TENM4: variants seen among roughly 807,000 people sequenced by gnomAD.
TENM4 encodes the protein teneurin-4.
In TENM4, 82 loss-of-function variants were observed where a neutral mutation model predicts 243.3. The observed-to-expected ratio is 0.34, with a 90% CI of 0.28 to 0.40. TENM4 has a LOEUF of 0.40. Ranked by LOEUF, TENM4 falls within the 10% of genes least tolerant of loss-of-function variation. The pLI, the probability that TENM4 is intolerant of heterozygous loss-of-function variation, is 1.00. For missense variants in TENM4, 3,138 were observed against 3,673.3 expected (o/e 0.85, Z 3.77); for synonymous variants, 1,412 against 1,456.3 (o/e 0.97, Z 0.69).
chr11:79,275,104 T>G (rs1278618805), intron 2 of TENM4, among the ~76,000 whole-genome samples: 1 of 152,210 alleles, frequency 6.6e-6, no homozygotes, highest in African/African-American at 2.4e-5. Flanking sequence ...ACAGACTGAA[T>G]AATCTCCTAC....
rs372304521 is a variant in TENM4, at chr11:78,732,325, C to T, written c.3129G>A (p.Pro1043=). ...TAGGAAAGCTGGGTACCTGAATTTC[C>T]GGCACAATGGGGCCTTTCTCTGCAC... is the stretch of plus-strand genomic sequence containing the variant. ...SSCAEKGPIV[P]EIQALQEEIS... is the part of the protein sequence containing the mutation. The change falls in exon 21 of 34, where the codon CCG becomes CCA. Residue 1043 remains proline, a synonymous_variant. Coordinates refer to ENST00000278550, the MANE Select transcript of TENM4 (RefSeq NM_001098816.3). 160 of 1,593,216 alleles carry T rather than the reference C, an allele frequency of 1.0e-4. No homozygotes were observed. Among genetic ancestry groups the T allele is most frequent in the Middle Eastern group, 1.7e-4 (1 of 5,976 alleles).
Position 78,723,061 on chromosome 11 carries a change from A to AC in TENM4, c.3551-145dup, listed in dbSNP as rs143624119. On this transcript the variant is annotated intron_variant, in intron 23 of 33. Transcript: ENST00000278550. ...GGATCATAGCCCAAGGCTTTGCCTC[A>AC]CCCCCCCAATGGAACCCAGATTGTC... 7,844 of 1,170,232 alleles carry AC rather than the reference A, an allele frequency of 6.7e-3. 450 individuals carry two copies. The African/African-American group carries it at 0.11, about 17-fold the overall frequency. 72.5% of individuals were successfully genotyped at this position (1,170,232 alleles called of 1,614,324 possible).
chr11:78,799,663 C>A, intron 15 of TENM4, among the ~76,000 whole-genome samples: 1 of 152,358 alleles, frequency 6.6e-6, no homozygotes, highest in Middle Eastern at 3.4e-3. Context: ...AAATTTCATG[C>A]AATTCTTGCT....
intron 12 of TENM4, among the ~76,000 whole-genome samples, chr11:78,849,419 G>A (rs1473928562): frequency 4.6e-5 from 7 of 152,110 alleles, no homozygotes; most frequent in African/African-American, 1.7e-4. Flanking sequence ...GTATTGTGGG[G>A]ACCTTAACTT....
rs1425055392 is a variant in TENM4 at position 78,708,424 on chromosome 11, G to A, written c.4146C>T (p.Leu1382=). 6.2e-6 allele frequency: 10 copies of A among 1,613,902 alleles called. No homozygotes were observed. The highest frequency in any genetic ancestry group is 2.7e-5 in the African/African-American group (2 of 74,930). Residue 1382 remains leucine (L), a synonymous_variant, in exon 27 of 34, where the codon CTC becomes CTT. Coordinates refer to ENST00000278550, the MANE Select transcript of TENM4 (RefSeq NM_001098816.3). The part of the protein sequence containing the change: ...IDQNGIISTL[L]GSNDLTSARP... ...GGGCTGATGTGAGATCATTAGAGCC[G>A]AGCAGGGTGGAGATGATCCCATTCT...
At position 78,735,851 on chromosome 11, in the gene TENM4, CCTCCT is replaced by C. The variant is rs149808664; in HGVS notation, c.2876+2595_2876+2599del. On this transcript the variant is annotated intron_variant, in intron 20 of 33. Coordinates refer to ENST00000278550, the MANE Select transcript of TENM4 (RefSeq NM_001098816.3). ...GTCTTGGCTCCCACCCCTCCCCTCC[CCTCCT>C]CTCCTCTCCTTTCTTTTCTTCCTTT... Among the ~76,000 whole-genome samples the C allele has an allele frequency of 8.5e-4, 128 of 151,018 alleles. 1 individual carries two copies. The highest frequency in any genetic ancestry group is 2.9e-3 in the African/African-American group (118 of 41,302).
chr11:78,863,025 G>T lies in TENM4; in HGVS notation c.1192C>A (p.Leu398Ile). 2.6e-6 allele frequency: 4 copies of T among 1,536,430 alleles called. No homozygotes were observed. The highest frequency in any genetic ancestry group is 3.5e-6 in the Non-Finnish European group (4 of 1,135,102). Residue 398 changes from leucine (L) to isoleucine (I), a missense_variant, in exon 10 of 34, where the codon CTA becomes ATA. Leu to Ile is a conservative substitution (Grantham distance 5, BLOSUM62 2). Transcript: ENST00000278550. ...AAGCCAGTGCCCCCTGAGGGGTATA[G>T]GGAGACGTCGGTTGGCACAGGCCAA... is the stretch of plus-strand genomic sequence containing the variant. ...SSWPVPTDVS[L>I]YPSGGTGLET... is the part of the protein sequence containing the mutation.
chr11:78,976,412 T>C (rs1857655724), intron 6 of TENM4, among the ~76,000 whole-genome samples: 1 of 151,954 alleles, frequency 6.6e-6, no homozygotes, highest in Non-Finnish European at 1.5e-5. Context: ...CAATAAAAAG[T>C]TTAAAAAAAA....
At chr11:78,766,900 C>T (rs576885083) in intron 18 of TENM4, among the ~76,000 whole-genome samples, 62 of 152,148 alleles carry the variant, frequency 4.1e-4, no homozygotes, top group African/African-American at 6.5e-4. Flanking sequence ...GATGGGGTTT[C>T]GCCATGTTGG....
rs796590665 is a variant in TENM4 at position 79,139,754 on chromosome 11, ATAT to A, written c.-66+8953_-66+8955del. Reference sequence around the variant, plus strand: ...TTATATTTATATAAATATATAATATATATTATATTTATATAAATATATAATATA... The same window carrying A: ...TTATATTTATATAAATATATAATATATATATTTATATAAATATATAATATA... On this transcript the variant is annotated intron_variant, in intron 4 of 33. Coordinates refer to ENST00000278550, the MANE Select transcript of TENM4 (RefSeq NM_001098816.3). Among the ~76,000 whole-genome samples, 53 of 38,472 alleles carry A rather than the reference ATAT, an allele frequency of 1.4e-3. 11 individuals carry two copies. Among genetic ancestry groups the A allele is most frequent in the East Asian group, 9.2e-3 (22 of 2,394 alleles). The allele number at this position is 38,472 out of a possible 152,430, so 25.2% of individuals were successfully genotyped here.
chr11:78,806,421 C>T lies in TENM4; in HGVS notation c.1979-929G>A, dbSNP rs924062960. ...AGGTGAGTCACATAGTGGTGGCTCA[C>T]AGCCAGGCAGCCCTTTAGTGCTCCC... On this transcript the variant is annotated intron_variant, in intron 14 of 33. Coordinates refer to ENST00000278550, the MANE Select transcript of TENM4 (RefSeq NM_001098816.3). 1.1e-4 allele frequency among the ~76,000 whole-genome samples: 16 copies of T among 152,206 alleles called. No individual in the cohort carries two copies. The East Asian group carries it at 2.7e-3, about 26-fold the overall frequency.
chr11:78,708,565 AC>A, intron 26 of TENM4, 50 bp from the exon 27 acceptor site: 1 of 1,593,894 alleles, frequency 6.3e-7, no homozygotes, highest in Non-Finnish European at 8.6e-7. Context: ...GATGACAATG[AC>A]CCGCACATTC....
At chr11:79,394,891 C>T (rs1287863570) in intron 1 of TENM4, among the ~76,000 whole-genome samples, 1 of 152,116 alleles carries the variant, frequency 6.6e-6, no homozygotes, top group Non-Finnish European at 1.5e-5. Flanking sequence ...TTATCAGCTG[C>T]AAGCCAAGGA....
At chr11:78,984,081 T>C (rs1857865210) in intron 6 of TENM4, among the ~76,000 whole-genome samples, 1 of 152,108 alleles carries the variant, frequency 6.6e-6, no homozygotes, top group Non-Finnish European at 1.5e-5. Flanking sequence ...GGCCACCAGT[T>C]TCTTCTCTGA....
At chr11:79,136,496 G>C (rs1234529271) in intron 4 of TENM4, among the ~76,000 whole-genome samples, 1 of 152,126 alleles carries the variant, frequency 6.6e-6, no homozygotes, top group African/African-American at 2.4e-5. Flanking sequence ...AGCCACTGCT[G>C]AGTGCCCAAT....
intron 9 of TENM4, among the ~76,000 whole-genome samples, chr11:78,880,858 T>C (rs1342575170): frequency 6.6e-6 from 1 of 152,026 alleles, no homozygotes; most frequent in Non-Finnish European, 1.5e-5. Context: ...TGCCTGAAAC[T>C]ACAGAGACAG....
intron 9 of TENM4, among the ~76,000 whole-genome samples, chr11:78,881,592 C>T (rs1024716494): frequency 1.3e-5 from 2 of 152,170 alleles, no homozygotes; most frequent in East Asian, 1.9e-4. Context: ...CCTTGACACA[C>T]TGCCCTCACT....
At position 78,816,380 on chromosome 11, in the gene TENM4, A is replaced by G. The variant is rs751851080; in HGVS notation, c.1682-1985T>C. Among the ~76,000 whole-genome samples, 26 of 152,140 alleles carry G rather than the reference A, an allele frequency of 1.7e-4. 1 individual carries two copies. The highest frequency in any genetic ancestry group is 4.6e-4 in the Admixed American group (7 of 15,278). Reference sequence around the variant, plus strand: ...TAGTGCTTCTTTCTTTGCAATCCCAACCAGCCCTATCTTGGGATAGTTTGG... The same window carrying G: ...TAGTGCTTCTTTCTTTGCAATCCCAGCCAGCCCTATCTTGGGATAGTTTGG... On this transcript the variant is annotated intron_variant, in intron 12 of 33. Transcript: ENST00000278550.
At chr11:79,268,814 A>G (rs1168669994) in intron 2 of TENM4, among the ~76,000 whole-genome samples, 1 of 152,212 alleles carries the variant, frequency 6.6e-6, no homozygotes, top group Non-Finnish European at 1.5e-5. Flanking sequence ...ATTGCTTGAA[A>G]TGTCCACCAA....
Sources: gnomAD v4.1 joint callset for allele counts (sites outside exome capture counted in the v4.1 genomes callset) on GRCh38, gnomAD v4.1.1 for gene constraint, MANE v1.5 for transcripts, NCBI Gene and HGNC (gene_info 2026-07-23, HGNC 2026-07-21) for gene names.